Variants in IRAG2 observed in about 807,000 individuals in gnomAD.
The protein encoded by IRAG2 is inositol 1,4,5-triphosphate receptor associated 2, also known as lymphoid restricted membrane protein.
Under a neutral mutation model 69.9 loss-of-function variants are expected in IRAG2, and 45 were observed. The ratio of observed to expected loss-of-function variants is 0.64; its 90% CI spans 0.51 to 0.83. IRAG2 has a LOEUF of 0.83. Among genes scored for constraint, IRAG2 ranks in the 40% least tolerant of loss-of-function variants. The pLI is 0.00. For missense variants in IRAG2, 520 were observed against 587.0 expected, an observed-to-expected ratio of 0.89 and a Z score of 1.18; for synonymous variants, 193 against 202.4, an observed-to-expected ratio of 0.95 and a Z score of 0.40.
exon 2 of IRAG2, chr12:25,005,242 A>G (rs1443606313): frequency 5.8e-6 from 7 of 1,216,098 alleles, no homozygotes; most frequent in Non-Finnish European, 7.2e-6. Flanking sequence ...TTCTAATAGG[A>G]TGGAAACAAG....
At chr12:25,018,186 CT>C (rs1253290111) in intron 6 of IRAG2, among the ~76,000 whole-genome samples, 3 of 106,136 alleles carry the variant, frequency 2.8e-5, no homozygotes, top group East Asian at 2.8e-4. Context: ...ATGTTTCTTT[CT>C]TTCTTCTTTT....
At chr12:25,026,576 G>A (rs953969091) in intron 8 of IRAG2, among the ~76,000 whole-genome samples, 1 of 152,150 alleles carries the variant, frequency 6.6e-6, no homozygotes, top group African/African-American at 2.4e-5. Context: ...TTGTTGAACG[G>A]TGGGATGCTT....
chr12:25,047,117 A>G (rs1039633035), intron 16 of IRAG2, among the ~76,000 whole-genome samples: 1 of 152,226 alleles, frequency 6.6e-6, no homozygotes, highest in African/African-American at 2.4e-5. Flanking sequence ...GGATAACTGG[A>G]CATCCACAGA....
Position 25,055,904 on chromosome 12 carries a change from T to G in IRAG2, c.-447+2948T>G, listed in dbSNP as rs145137209. On this transcript the variant is annotated intron_variant, in intron 1 of 21. Coordinates refer to ENST00000556887, the MANE Select transcript of IRAG2 (RefSeq NM_001366544.2). The stretch of plus-strand genomic sequence containing the variant: ...ATCCAAAACTATCACCCCCTTACTA[T>G]TCACCATCTCTTGTTCCCATCTGAC... Among the ~76,000 whole-genome samples the G allele has an allele frequency of 4.0e-3, 611 of 152,328 alleles. 2 individuals are homozygous for G. The highest frequency in any genetic ancestry group is 0.014 in the African/African-American group (579 of 41,572).
At chr12:25,105,277 T>C (rs1007407698) in intron 20 of IRAG2, among the ~76,000 whole-genome samples, 3 of 151,808 alleles carry the variant, frequency 2.0e-5, no homozygotes, top group Non-Finnish European at 2.9e-5. Flanking sequence ...GGGGTTTCAC[T>C]GTGTTAGCCA....
chr12:24,999,725 A>T (rs1944377277), upstream of IRAG2, among the ~76,000 whole-genome samples: 1 of 151,360 alleles, frequency 6.6e-6, no homozygotes, highest in African/African-American at 2.4e-5. Context: ...TCCTAGCCTC[A>T]CTCCCAAGCT....
chr12:25,079,399 G>A lies in IRAG2; in HGVS notation c.73G>A (p.Glu25Lys), dbSNP rs144164545. The change falls in exon 8 of 22, where the codon GAA becomes AAA. Residue 25 changes from glutamate to lysine, a missense_variant and splice_region_variant. Glu to Lys is a moderately conservative substitution (Grantham distance 56). Coordinates refer to ENST00000556887, the MANE Select transcript of IRAG2 (RefSeq NM_001366544.2). Reference sequence around the variant, plus strand: ...ACATGTTTGCTATCTTTTTGGCAGGGAATATTCCTCACTACCATTACCCAG... The same window carrying A: ...ACATGTTTGCTATCTTTTTGGCAGGAAATATTCCTCACTACCATTACCCAG... ...VCPESLLQSREYSSLPLPRHT... is the reference protein window; with the variant it reads ...VCPESLLQSRKYSSLPLPRHT... 1.9e-6 allele frequency: 3 copies of A among 1,613,494 alleles called. No homozygotes were observed.
intron 16 of IRAG2, among the ~76,000 whole-genome samples, chr12:25,046,580 C>A (rs999195132): frequency 6.6e-6 from 1 of 151,980 alleles, no homozygotes; most frequent in Non-Finnish European, 1.5e-5. Flanking sequence ...TTAACAATCT[C>A]ATTTACAATA....
intron 8 of IRAG2, among the ~76,000 whole-genome samples, chr12:25,025,237 T>A (rs1216474990): frequency 6.6e-6 from 1 of 152,106 alleles, no homozygotes; most frequent in Admixed American, 6.5e-5. Context: ...AGGAGTGCAA[T>A]TTAAACTAGG....
rs546600414 is a variant in IRAG2 at position 25,083,379 on chromosome 12, C to T, written c.245-44C>T. 5 of 1,252,252 alleles carry T rather than the reference C, an allele frequency of 4.0e-6. No homozygotes were observed. The African/African-American group carries it at 4.4e-5, about 11-fold the overall frequency. 77.6% of individuals were successfully genotyped at this position (1,252,252 alleles called of 1,614,324 possible). A position where few individuals can be genotyped will look rare whatever the true frequency, so the allele number is the denominator to read the frequency against. On this transcript the variant is annotated intron_variant, in intron 9 of 21. Coordinates refer to ENST00000556887, the MANE Select transcript of IRAG2 (RefSeq NM_001366544.2). ...TCACTGTTTCCTCCTCTTTTACTTG[C>T]TCCTGCCCCCCTAACTGCTTTGTGT...
chr12:25,104,164 A>G (rs1429097490), intron 19 of IRAG2, 106 bp downstream of exon 19: 1 of 1,011,544 alleles, frequency 9.9e-7, no homozygotes, highest in African/African-American at 1.6e-5. Context: ...TGATTTGTAC[A>G]AAGTGTAAAC....
intron 9 of IRAG2, among the ~76,000 whole-genome samples, chr12:25,080,382 CGTT>C (rs1201169254): frequency 6.8e-6 from 1 of 146,972 alleles, no homozygotes; most frequent in Non-Finnish European, 1.5e-5. Context: ...GACGGAGTCT[CGTT>C]GTGTCGCCCA....
chr12:25,052,488 C>A (rs542267928), upstream of IRAG2: 4 of 396,070 alleles, frequency 1.0e-5, no homozygotes, highest in African/African-American at 8.3e-5. Context: ...CAGTCCCTAG[C>A]GACTAACAGT....
chr12:25,051,309 G>A (rs1438320259), upstream of IRAG2, among the ~76,000 whole-genome samples: 1 of 152,196 alleles, frequency 6.6e-6, no homozygotes, highest in African/African-American at 2.4e-5. Flanking sequence ...CTCTCATGTG[G>A]TCCTTCGTGT....
At chr12:25,047,284 C>T (rs768094915), upstream of IRAG2, among the ~76,000 whole-genome samples, 1 of 152,078 alleles carries the variant, frequency 6.6e-6, no homozygotes, top group Non-Finnish European at 1.5e-5. Context: ...GATATGACAC[C>T]AAAAGCACAG....
At chr12:25,003,075 A>C (rs1944403973), upstream of IRAG2, among the ~76,000 whole-genome samples, 1 of 152,344 alleles carries the variant, frequency 6.6e-6, no homozygotes, top group South Asian at 2.1e-4. Context: ...GGTGGTCCTC[A>C]TATTGAAGAT....
At position 25,077,810 on chromosome 12, in the gene IRAG2, C is replaced by G. The variant is rs192577343; in HGVS notation, c.25-1434C>G. Among the ~76,000 whole-genome samples, 352 of 152,120 alleles carry G rather than the reference C, an allele frequency of 2.3e-3. 2 individuals carry two copies. The highest frequency in any genetic ancestry group is 8.0e-3 in the African/African-American group (330 of 41,490). ...GACCCAAAGTCACTTAAGGCAGAAA[C>G]AAAATGAAGTAAAAAAGAGAAAAAG... On this transcript the variant is annotated intron_variant, in intron 6 of 21. Transcript: ENST00000556887.
chr12:25,089,223 T>C (rs1947857179), intron 11 of IRAG2, among the ~76,000 whole-genome samples: 2 of 152,196 alleles, frequency 1.3e-5, no homozygotes, highest in African/African-American at 4.8e-5. Flanking sequence ...ACTATTATTA[T>C]TACTACTACT....
intron 3 of IRAG2, among the ~76,000 whole-genome samples, chr12:25,013,824 G>C (rs1472311794): frequency 6.8e-6 from 1 of 146,198 alleles, no homozygotes; most frequent in Admixed American, 6.8e-5. Flanking sequence ...ATGCCAAAAC[G>C]ATTATTTTTG....
Sources: gnomAD v4.1 joint callset for allele counts (sites outside exome capture counted in the v4.1 genomes callset) on GRCh38, gnomAD v4.1.1 for gene constraint, MANE v1.5 for transcripts, NCBI Gene and HGNC (gene_info 2026-07-23, HGNC 2026-07-21) for gene names.